The following PBX4 variants were observed in gnomAD, a reference collection of about 807,000 sequenced individuals.
PBX4 encodes the protein PBX homeobox 4, also known as pre-B-cell leukemia transcription factor 4.
In PBX4, 26 loss-of-function variants were observed where a neutral mutation model predicts 35.1. That is an observed-to-expected ratio of 0.74 (90% CI 0.54 to 1.03). The LOEUF (loss-of-function observed/expected upper bound fraction) is 1.03. PBX4 is among the 50% of genes least tolerant of loss of function. The pLI, the probability that PBX4 is intolerant of heterozygous loss-of-function variation, is 0.00. For missense variants in PBX4, 448 were observed against 504.3 expected (o/e 0.89, Z 1.07); for synonymous variants, 199 against 204.2 (o/e 0.97, Z 0.22).
chr19:19,606,671 T>C (rs943768172), intron 1 of PBX4: 3 of 152,284 alleles, frequency 2.0e-5, no homozygotes, highest in African/African-American at 7.2e-5. Context: ...GGTGCTGGTA[T>C]GTCTAACAAG....
intron 1 of PBX4, among the ~76,000 whole-genome samples, chr19:19,607,895 A>C (rs779619327): frequency 1.3e-5 from 2 of 152,202 alleles, no homozygotes; most frequent in Non-Finnish European, 2.9e-5. Context: ...GAAAGCAACA[A>C]TGATTCTAAC....
intron 2 of PBX4, among the ~76,000 whole-genome samples, chr19:19,597,449 G>C (rs12609851): frequency 1.3e-5 from 2 of 152,122 alleles, no homozygotes; most frequent in East Asian, 3.9e-4. Flanking sequence ...AATCAGAGGA[G>C]GACCAGGAAC....
chr19:19,570,849 C>T lies in PBX4; in HGVS notation c.194-16G>A, dbSNP rs372974716. 120 of 1,606,910 alleles carry T rather than the reference C, an allele frequency of 7.5e-5. No homozygotes were observed. The highest frequency in any genetic ancestry group is 1.0e-4 in the Non-Finnish European group (117 of 1,175,870). On this transcript the variant is annotated splice_polypyrimidine_tract_variant and intron_variant, in intron 2 of 7. Transcript: ENST00000251203. Reference sequence around the variant, plus strand: ...ATGCTTACCACTAGATAAGAGAGACCGGGACAAGTCACAATTCATTTTCTG... The same window carrying T: ...ATGCTTACCACTAGATAAGAGAGACTGGGACAAGTCACAATTCATTTTCTG...
intron 1 of PBX4, among the ~76,000 whole-genome samples, chr19:19,603,935 G>A (rs1350044066): frequency 2.2e-5 from 3 of 136,002 alleles, no homozygotes; most frequent in Non-Finnish European, 3.1e-5. Context: ...GCATCCCAGC[G>A]AGCGAGACTC....
At chr19:19,565,364 G>A (rs2144699265) in intron 5 of PBX4, among the ~76,000 whole-genome samples, 1 of 152,230 alleles carries the variant, frequency 6.6e-6, no homozygotes, top group East Asian at 1.9e-4. Flanking sequence ...CTGGGAAGGG[G>A]CTGGAAGGAA....
chr19:19,577,865 A>G (rs1425785103), intron 2 of PBX4, among the ~76,000 whole-genome samples: 1 of 150,686 alleles, frequency 6.6e-6, no homozygotes, highest in East Asian at 2.0e-4. Context: ...CTAAAAAAAT[A>G]ATAATTAAAA....
intron 1 of PBX4, among the ~76,000 whole-genome samples, chr19:19,604,557 A>T (rs2061617976): frequency 1.2e-5 from 1 of 81,094 alleles, no homozygotes; most frequent in African/African-American, 5.2e-5. Context: ...ATGAGATGAC[A>T]TATGAACTTC....
At position 19,618,588 on chromosome 19, in the gene PBX4, C is replaced by G. The variant is rs1454375691; in HGVS notation, c.42G>C (p.Pro14=). The G allele has an allele frequency of 5.3e-6, 7 of 1,310,774 alleles. No individual in the cohort carries two copies. The South Asian group carries it at 1.8e-4, about 34-fold the overall frequency. 81.2% of individuals were successfully genotyped at this position (1,310,774 alleles called of 1,614,324 possible). Residue 14 remains proline (P), a synonymous_variant, in exon 1 of 8, where the codon CCG becomes CCC. Transcript: ENST00000251203. ...PPRPAPSPPA[P]RRLDTSDVLQ... is the part of the protein sequence containing the mutation. ...GGACGTCGCTCGTGTCGAGGCGCCG[C>G]GGGGCGGGGGGCGATGGCGCGGGGC...
At chr19:19,616,292 C>T (rs1038703651) in intron 1 of PBX4, among the ~76,000 whole-genome samples, 1 of 151,956 alleles carries the variant, frequency 6.6e-6, no homozygotes, top group African/African-American at 2.4e-5. Flanking sequence ...ATAAATAGTC[C>T]GAACTCCCTA....
At chr19:19,609,202 A>G (rs1283171843) in intron 1 of PBX4, among the ~76,000 whole-genome samples, 1 of 152,094 alleles carries the variant, frequency 6.6e-6, no homozygotes, top group African/African-American at 2.4e-5. Flanking sequence ...GAGCATGCCC[A>G]AATCTCCATC....
chr19:19,581,501 C>T (rs975397787), intron 2 of PBX4, among the ~76,000 whole-genome samples: 3 of 152,202 alleles, frequency 2.0e-5, no homozygotes, highest in African/African-American at 7.2e-5. Context: ...TGCGTCATTA[C>T]TGTCTTGCGG....
At chr19:19,585,331 A>C (rs549812121) in intron 2 of PBX4, among the ~76,000 whole-genome samples, 1 of 152,236 alleles carries the variant, frequency 6.6e-6, no homozygotes, top group South Asian at 2.1e-4. Flanking sequence ...TCTCAAAAAA[A>C]AAAAGTAACA....
At chr19:19,611,479 G>T (rs1442154775) in intron 1 of PBX4, among the ~76,000 whole-genome samples, 1 of 151,820 alleles carries the variant, frequency 6.6e-6, no homozygotes, top group Non-Finnish European at 1.5e-5. Context: ...AGGAGTTCAA[G>T]ACCAGCCTGG....
chr19:19,593,359 G>A (rs149190093), intron 2 of PBX4, among the ~76,000 whole-genome samples: 19 of 152,308 alleles, frequency 1.2e-4, no homozygotes, highest in African/African-American at 4.3e-4. Flanking sequence ...TTCAAGAGGC[G>A]GCCCGTGGGT....
chr19:19,589,861 T>C (rs536173925), intron 2 of PBX4, among the ~76,000 whole-genome samples: 1 of 152,188 alleles, frequency 6.6e-6, no homozygotes, highest in Non-Finnish European at 1.5e-5. Flanking sequence ...GCTTTCTTGA[T>C]GCTGGTCTTC....
In PBX4 at chr19:19,562,828, G is replaced by A. The variant is rs920382052; in HGVS notation, c.1032+681C>T. 7.2e-5 allele frequency among the ~76,000 whole-genome samples: 11 copies of A among 152,152 alleles called. No individual in the cohort carries two copies. Among genetic ancestry groups the A allele is most frequent in the African/African-American group, 1.7e-4 (7 of 41,434 alleles). ...CAAAGGGCAAGGTGAGGCCCCTCAC[G>A]TGTGTCCCTGGCTGGGGGCTGCATG... On this transcript the variant is annotated intron_variant, in intron 7 of 7. Coordinates refer to ENST00000251203, the MANE Select transcript of PBX4 (RefSeq NM_025245.3). The surrounding 1 kb of genome is among the most constrained non-coding windows in gnomAD (Gnocchi z 4.8).
intron 2 of PBX4, among the ~76,000 whole-genome samples, chr19:19,577,384 T>C (rs1029164679): frequency 5.3e-5 from 8 of 152,154 alleles, no homozygotes; most frequent in African/African-American, 1.7e-4. Context: ...ACAGGGGTAC[T>C]GACACCTACA....
intron 3 of PBX4, 130 bp downstream of exon 3, chr19:19,570,456 C>A: frequency 6.9e-7 from 1 of 1,459,072 alleles, no homozygotes; most frequent in South Asian, 1.3e-5. Context: ...TAACAATGGA[C>A]CACCTCTGCA....
chr19:19,599,886 T>C (rs2061585964), intron 1 of PBX4, among the ~76,000 whole-genome samples: 1 of 151,464 alleles, frequency 6.6e-6, no homozygotes, highest in South Asian at 2.1e-4. Context: ...GGCAGGAGAA[T>C]TGCTTAGACC....
Sources: gnomAD v4.1 joint callset for allele counts (sites outside exome capture counted in the v4.1 genomes callset) on GRCh38, gnomAD v4.1.1 for gene constraint, Gnocchi (gnomAD v3.1) non-coding constraint, MANE v1.5 for transcripts, NCBI Gene and HGNC (gene_info 2026-07-23, HGNC 2026-07-21) for gene names.